The following FRAS1 variants were observed in gnomAD, a reference collection of about 807,000 sequenced individuals.
FRAS1 encodes Fraser extracellular matrix complex subunit 1, also known as extracellular matrix organizing protein FRAS1.
FRAS1 carries 290 observed loss-of-function variants against 435.2 expected under a neutral mutation model. The observed-to-expected ratio is 0.67, with a 90% CI of 0.61 to 0.73. The LOEUF (loss-of-function observed/expected upper bound fraction) is 0.73, where lower values mean the gene tolerates loss of function less well. Ranked by LOEUF, FRAS1 falls within the 30% of genes least tolerant of loss-of-function variation. The probability of loss-of-function intolerance (pLI) is 0.00; values close to 1 mark genes in which losing one functional copy is unlikely to be tolerated. For synonymous variants in FRAS1, 1,800 were observed against 1,851.0 expected, an observed-to-expected ratio of 0.97 and a Z score of 0.71; for missense variants, 4,860 against 5,001.5, an observed-to-expected ratio of 0.97 and a Z score of 0.85.
chr4:78,379,434 C>T, intron 26 of FRAS1: 1 of 344,470 alleles, frequency 2.9e-6, no homozygotes, highest in Non-Finnish European at 5.2e-6. Flanking sequence ...AGAACAGGAG[C>T]AGTTACTCAC....
chr4:78,312,178 C>CTATATATATATATATATA (rs1560646916), intron 15 of FRAS1, among the ~76,000 whole-genome samples: 1 of 42,516 alleles, frequency 2.4e-5, no homozygotes, highest in Non-Finnish European at 4.5e-5. Context: ...CATCTGAAGT[C>CTATATATATATATATATA]CATATATATA....
At chr4:78,336,496 A>G (rs1356702337) in intron 19 of FRAS1, among the ~76,000 whole-genome samples, 3 of 152,164 alleles carry the variant, frequency 2.0e-5, no homozygotes, top group Non-Finnish European at 4.4e-5. Flanking sequence ...AAATATTCTG[A>G]TAGGGAGGAA....
chr4:78,529,374 A>G (rs1166331362), intron 70 of FRAS1, among the ~76,000 whole-genome samples: 2 of 152,158 alleles, frequency 1.3e-5, no homozygotes, highest in African/African-American at 4.8e-5. Flanking sequence ...CTATATATAT[A>G]TCATATAGCA....
At chr4:78,158,606 A>G (rs1720993502) in intron 2 of FRAS1, among the ~76,000 whole-genome samples, 1 of 152,198 alleles carries the variant, frequency 6.6e-6, no homozygotes, top group Non-Finnish European at 1.5e-5. Flanking sequence ...TTAACTTCTC[A>G]TGACTACGTT....
rs181949203 is a variant in FRAS1 at position 78,269,335 on chromosome 4, A to C, written c.981+1903A>C. On this transcript the variant is annotated intron_variant, in intron 9 of 73. Transcript: ENST00000512123. ...TTAGGAGCTCCCGGAGGAAATGACT[A>C]TGTCTGCCAAGGGGCACAGTGGAAG... is the stretch of plus-strand genomic sequence containing the variant. 2.8e-3 allele frequency among the ~76,000 whole-genome samples: 419 copies of C among 152,330 alleles called. 1 individual carries two copies. Among genetic ancestry groups the C allele is most frequent in the African/African-American group, 9.8e-3 (408 of 41,574 alleles).
chr4:78,441,876 T>C (rs1391987648), intron 41 of FRAS1, among the ~76,000 whole-genome samples: 1 of 152,266 alleles, frequency 6.6e-6, no homozygotes, highest in Admixed American at 6.5e-5. Context: ...CTCCACCATC[T>C]GCCCTGAACA....
At chr4:78,265,813 A>G (rs1426740075) in intron 7 of FRAS1, among the ~76,000 whole-genome samples, 2 of 152,218 alleles carry the variant, frequency 1.3e-5, no homozygotes, top group Non-Finnish European at 2.9e-5. Flanking sequence ...AAAAGACTAA[A>G]TAGAAATTGG....
intron 2 of FRAS1, among the ~76,000 whole-genome samples, chr4:78,103,104 C>T (rs1475962664): frequency 6.6e-6 from 1 of 152,172 alleles, no homozygotes; most frequent in Non-Finnish European, 1.5e-5. Flanking sequence ...GAAGTGGTTT[C>T]AGGGGAACTC....
intron 51 of FRAS1, 36 bp from the exon 52 acceptor site, chr4:78,472,144 A>G: frequency 6.2e-7 from 1 of 1,606,578 alleles, no homozygotes; most frequent in Non-Finnish European, 8.5e-7. Flanking sequence ...CTTTATTCCC[A>G]CCTCAGGAAT....
chr4:78,275,362 G>A (rs1304297057), intron 9 of FRAS1, among the ~76,000 whole-genome samples: 1 of 152,164 alleles, frequency 6.6e-6, no homozygotes, highest in East Asian at 1.9e-4. Context: ...TCATTATGAT[G>A]TTAGCTGGTT....
At chr4:78,464,758 T>C (rs537730935) in intron 49 of FRAS1, among the ~76,000 whole-genome samples, 175 bp downstream of exon 49, 10 of 152,312 alleles carry the variant, frequency 6.6e-5, no homozygotes, top group Admixed American at 5.2e-4. Context: ...GAAAAACAAA[T>C]GTATTTGAGA....
chr4:78,376,670 T>A (rs1033413656), intron 26 of FRAS1, among the ~76,000 whole-genome samples: 2 of 152,128 alleles, frequency 1.3e-5, no homozygotes, highest in African/African-American at 4.8e-5. Flanking sequence ...GTGGATGGAT[T>A]TCAGGCTACC....
At chr4:78,535,512 G>A (rs28391466) in intron 71 of FRAS1, among the ~76,000 whole-genome samples, 65,652 of 151,638 alleles carry the variant, frequency 0.43, 14,861 homozygotes, top group East Asian at 0.79. Context: ...CTGCTACCCT[G>A]CTGACTGCGT....
chr4:78,126,027 T>C (rs1428070864), intron 2 of FRAS1, among the ~76,000 whole-genome samples: 2 of 152,168 alleles, frequency 1.3e-5, no homozygotes, highest in Non-Finnish European at 2.9e-5. Context: ...TGAGCTGCAG[T>C]GGGCTCCACC....
intron 12 of FRAS1, among the ~76,000 whole-genome samples, chr4:78,283,187 T>C (rs1470588470): frequency 6.6e-6 from 1 of 152,246 alleles, no homozygotes; most frequent in Non-Finnish European, 1.5e-5. Flanking sequence ...GGGCAAGTCA[T>C]TGACCCTCTT....
intron 38 of FRAS1, among the ~76,000 whole-genome samples, chr4:78,436,262 G>C (rs1390416204): frequency 6.6e-6 from 1 of 151,980 alleles, no homozygotes; most frequent in Admixed American, 6.6e-5. Flanking sequence ...CATATGAAGA[G>C]ATAGTCGCCT....
intron 2 of FRAS1, among the ~76,000 whole-genome samples, chr4:78,218,098 T>TCTCTCTCA (rs368430185): frequency 1.3e-4 from 5 of 39,728 alleles, no homozygotes; most frequent in African/African-American, 4.9e-4. Context: ...TCACTCTCTC[T>TCTCTCTCA]CACACACACA....
At chr4:78,483,768 C>CTATATATATATATATATA (rs1491536432) in intron 58 of FRAS1, among the ~76,000 whole-genome samples, 29 of 6,482 alleles carry the variant, frequency 4.5e-3, no homozygotes, top group African/African-American at 8.1e-3. Flanking sequence ...AAAAAAAAAA[C>CTATATATATATATATATA]TCTCTCTCTC....
At chr4:78,332,856 T>C (rs1373214747) in intron 18 of FRAS1, among the ~76,000 whole-genome samples, 1 of 152,176 alleles carries the variant, frequency 6.6e-6, no homozygotes, top group Non-Finnish European at 1.5e-5. Context: ...CTATGTGAAA[T>C]CAATAAGTGA....
Sources: gnomAD v4.1 joint callset for allele counts (sites outside exome capture counted in the v4.1 genomes callset) on GRCh38, gnomAD v4.1.1 for gene constraint, MANE v1.5 for transcripts, NCBI Gene and HGNC (gene_info 2026-07-23, HGNC 2026-07-21) for gene names.